Variants in GFI1 observed in about 807,000 individuals in gnomAD.
GFI1 encodes the protein zinc finger protein Gfi-1.
In GFI1, 15 loss-of-function variants were observed where a neutral mutation model predicts 39.2. The ratio of observed to expected loss-of-function variants is 0.38; its 90% CI spans 0.26 to 0.59. The LOEUF (loss-of-function observed/expected upper bound fraction) is 0.59. Among genes scored for constraint, GFI1 ranks in the 20% least tolerant of loss-of-function variants. The pLI, the probability that GFI1 is intolerant of heterozygous loss-of-function variation, is 0.62. For missense variants in GFI1, 475 were observed against 574.0 expected (o/e 0.83, Z 1.76); for synonymous variants, 239 against 254.3 (o/e 0.94, Z 0.57).
intron 1 of GFI1, chr1:92,483,912 G>A (rs1571221830): frequency 3.0e-6 from 1 of 329,810 alleles, no homozygotes; most frequent in East Asian, 7.8e-5. Flanking sequence ...CAAACTCCCT[G>A]GAGAGCTGTA....
At chr1:92,478,543 T>C in intron 6 of GFI1, 45 bp downstream of exon 6, 2 of 1,538,248 alleles carry the variant, frequency 1.3e-6, no homozygotes, top group Non-Finnish European at 1.8e-6. Context: ...TGAGTAATGT[T>C]GGCCTCAGGG....
rs1658350292 is a variant in GFI1, at chr1:92,483,013, T to C, written c.149A>G (p.Glu50Gly). ...TTCGGGGGACAAACGGTCCCGGGGC[T>C]CCGCCTTCGCCCCGCCTGCATTTGA... ...STSNAGGAKA[E>G]PRDRLSPESQ... Residue 50 changes from glutamate to glycine, a missense_variant, in exon 3 of 7, where the codon GAG becomes GGG. Physicochemically the swap from Glu to Gly is moderately conservative, Grantham distance 98. Around this residue, in one of 4 missense-constraint regions of GFI1, gnomAD observed 275 missense variants for 275.8 expected, o/e 1.00. Transcript: ENST00000294702. 1 of 1,604,380 alleles carries C rather than the reference T, an allele frequency of 6.2e-7. No homozygotes were observed. The highest frequency in any genetic ancestry group is 8.5e-7 in the Non-Finnish European group (1 of 1,175,376).
intron 6 of GFI1, among the ~76,000 whole-genome samples, chr1:92,477,234 T>A (rs945246405): frequency 6.6e-6 from 1 of 152,246 alleles, no homozygotes; most frequent in Non-Finnish European, 1.5e-5. Flanking sequence ...AAACAAATTC[T>A]AGGTATAACG....
chr1:92,483,383 A>G lies in GFI1; in HGVS notation c.105T>C (p.Pro35=). 2 of 1,600,200 alleles carry G rather than the reference A, an allele frequency of 1.2e-6. No homozygotes were observed. Among genetic ancestry groups the G allele is most frequent in the South Asian group, 1.1e-5 (1 of 90,626 alleles). The part of the protein sequence containing the change: ...YSLRLENVPA[P]SRADSTSNAG... ...GCGCGCGCCTCGCACCTGCTCGGCT[A>G]GGCGCCGGTACATTCTCTAAACGGA... The change falls in exon 2 of 7, where the codon CCT becomes CCC. Residue 35 remains proline, a synonymous_variant. Transcript: ENST00000294702.
chr1:92,479,658 C>A (rs569176809), intron 5 of GFI1, among the ~76,000 whole-genome samples: 1 of 152,242 alleles, frequency 6.6e-6, no homozygotes, highest in South Asian at 2.1e-4. Flanking sequence ...TCGTGACCAG[C>A]CTGGCTAACG....
chr1:92,482,890 C>G lies in GFI1; in HGVS notation c.272G>C (p.Arg91Thr). The G allele has an allele frequency of 6.2e-7, 1 of 1,614,120 alleles. No individual in the cohort carries two copies. The highest frequency in any genetic ancestry group is 8.5e-7 in the Non-Finnish European group (1 of 1,179,988). The stretch of plus-strand genomic sequence containing the variant: ...TGGAGACGCGGAGGGTGACGGGGGC[C>G]TCCAGAAGTCCTCAAACTCCGAGCT... The part of the protein sequence containing the change: ...ERSSEFEDFW[R>T]PPSPSASPAS... Residue 91 changes from arginine to threonine, a missense_variant, in exon 3 of 7, where the codon AGG (arginine) becomes ACG (threonine). Arg to Thr is a moderately conservative substitution (Grantham distance 71). Around this residue, in one of 4 missense-constraint regions of GFI1, gnomAD observed 275 missense variants for 275.8 expected, o/e 1.00. Transcript: ENST00000294702. This position sits in a 1 kb window ranked among gnomAD's most constrained non-coding sequence, Gnocchi z 4.4.
chr1:92,480,208 G>A lies in GFI1; in HGVS notation c.924+140C>T. 1.1e-6 allele frequency: 1 copy of A among 933,826 alleles called. No homozygotes were observed. The highest frequency in any genetic ancestry group is 1.6e-6 in the Non-Finnish European group (1 of 609,784). The allele number at this position is 933,826 out of a possible 1,614,324, so 57.8% of individuals were successfully genotyped here. A position where few individuals can be genotyped will look rare whatever the true frequency, so the allele number is the denominator to read the frequency against. ...CCTACACACCTGCACCAGGGCAAGG[G>A]GACGCAGCGGAGGGCTTGGGGGAGG... On this transcript the variant is annotated intron_variant, in intron 5 of 6. Transcript: ENST00000294702. The surrounding 1 kb of genome is among the most constrained non-coding windows in gnomAD (Gnocchi z 5.6).
chr1:92,486,540 C>A (rs1658535392), intron 1 of GFI1, among the ~76,000 whole-genome samples, 186 bp downstream of exon 1: 1 of 134,288 alleles, frequency 7.4e-6, no homozygotes, highest in Admixed American at 7.7e-5. Flanking sequence ...CCACCCCCGA[C>A]CCCGCCGCCT....
In GFI1 at chr1:92,483,451, G is replaced by A; in HGVS notation, c.37C>T (p.His13Tyr). The A allele has an allele frequency of 6.2e-7, 1 of 1,612,218 alleles. No individual in the cohort carries two copies. The highest frequency in any genetic ancestry group is 1.1e-5 in the South Asian group (1 of 91,000). ...GGGGAGCGCGGCTGGTGGTAGCTGT[G>A]AGCCTTCTTGCTTTTGACGAGAAAT... is the stretch of plus-strand genomic sequence containing the variant. ...RSFLVKSKKA[H>Y]SYHQPRSPGP... The change falls in exon 2 of 7, where the codon CAC becomes TAC. Residue 13 changes from histidine to tyrosine, a missense_variant. Physicochemically the swap from His to Tyr is moderately conservative, Grantham distance 83. Coordinates refer to ENST00000294702, the MANE Select transcript of GFI1 (RefSeq NM_005263.5).
rs1004582288 is a variant in GFI1, at chr1:92,473,224, C to T, written c.*2805G>A. Among the ~76,000 whole-genome samples the T allele has an allele frequency of 6.6e-6, 1 of 150,770 alleles. No homozygotes were observed. Among genetic ancestry groups the T allele is most frequent in the African/African-American group, 2.4e-5 (1 of 41,034 alleles). On this transcript the variant is annotated 3_prime_UTR_variant, in exon 7 of 7. Transcript: ENST00000294702. ...ACAGTTAACATCAAAATTACAATTC[C>T]TCACTTAGAGCATAAACAGGGATAA...
In GFI1 at chr1:92,480,685, G is replaced by T; in HGVS notation, c.702C>A (p.Gly234=). The T allele has an allele frequency of 6.3e-7, 1 of 1,596,078 alleles. No homozygotes were observed. ...ERGHGLHADK[G]AGVKVESELL... is the part of the protein sequence containing the mutation. ...GCTCCGACTCCACCTTGACGCCAGC[G>T]CCCTTGTCTGCGTGCAGCCCGTGGC... Residue 234 remains glycine (G), a synonymous_variant, in exon 4 of 7, where the codon GGC becomes GGA. Coordinates refer to ENST00000294702, the MANE Select transcript of GFI1 (RefSeq NM_005263.5). This position sits in a 1 kb window ranked among gnomAD's most constrained non-coding sequence, Gnocchi z 5.6.
Position 92,480,360 on chromosome 1 carries a change from G to A in GFI1, c.912C>T (p.Ala304=), listed in dbSNP as rs749675576. The A allele has an allele frequency of 1.3e-6, 2 of 1,549,688 alleles. No individual in the cohort carries two copies. Among genetic ancestry groups the A allele is most frequent in the African/African-American group, 1.4e-5 (1 of 73,014 alleles). Residue 304 remains alanine (A), a synonymous_variant, in exon 5 of 7, where the codon GCC becomes GCT. Transcript: ENST00000294702. The surrounding 1 kb of genome is among the most constrained non-coding windows in gnomAD (Gnocchi z 5.6). ...GCCCCGCGCTTACCTGCGAGTGCAC[G>A]GCTTTGTGCTGCTCCAGGCTCACCG... ...GHAVSLEQHK[A]VHSQERSFDC...
Position 92,481,196 on chromosome 1 carries a change from G to T in GFI1, c.299-108C>A. The T allele has an allele frequency of 9.9e-7, 1 of 1,006,558 alleles. No homozygotes were observed. Among genetic ancestry groups the T allele is most frequent in the Non-Finnish European group, 1.5e-6 (1 of 662,558 alleles). The allele number at this position is 1,006,558 out of a possible 1,614,324, so 62.4% of individuals were successfully genotyped here. A position where few individuals can be genotyped will look rare whatever the true frequency, so the allele number is the denominator to read the frequency against. Reference sequence around the variant, plus strand: ...GTTCGCGGACTGCGGGGCACCCAGCGCTTGTAGAACACTGCGTGCGCCAGG... The same window carrying T: ...GTTCGCGGACTGCGGGGCACCCAGCTCTTGTAGAACACTGCGTGCGCCAGG... On this transcript the variant is annotated intron_variant, in intron 3 of 6. Coordinates refer to ENST00000294702, the MANE Select transcript of GFI1 (RefSeq NM_005263.5). This position sits in a 1 kb window ranked among gnomAD's most constrained non-coding sequence, Gnocchi z 4.3.
Position 92,480,490 on chromosome 1 carries a change from G to A in GFI1, c.787-5C>T, listed in dbSNP as rs1156763305. 6.5e-7 allele frequency: 1 copy of A among 1,549,738 alleles called. No individual in the cohort carries two copies. The highest frequency in any genetic ancestry group is 8.7e-7 in the Non-Finnish European group (1 of 1,146,388). On this transcript the variant is annotated splice_polypyrimidine_tract_variant and splice_region_variant and intron_variant, in intron 4 of 6. Coordinates refer to ENST00000294702, the MANE Select transcript of GFI1 (RefSeq NM_005263.5). The surrounding 1 kb of genome is among the most constrained non-coding windows in gnomAD (Gnocchi z 5.6). The stretch of plus-strand genomic sequence containing the variant: ...CCCGTGCGGCGTGGAGAACACCTAA[G>A]GCGGGTGGGGCCAGAGAGAAGGCCG...
intron 1 of GFI1, among the ~76,000 whole-genome samples, chr1:92,485,355 G>C (rs1389627275): frequency 6.6e-6 from 1 of 152,224 alleles, no homozygotes; most frequent in Non-Finnish European, 1.5e-5. Context: ...GCGTTGTCCC[G>C]AGGGTCCCGC....
chr1:92,483,301 G>T, intron 2 of GFI1, 72 bp downstream of exon 2: 1 of 874,422 alleles, frequency 1.1e-6, no homozygotes, highest in Non-Finnish European at 1.9e-6. Context: ...TCCCAGCTCC[G>T]GACTAATGGT....
intron 5 of GFI1, among the ~76,000 whole-genome samples, chr1:92,479,615 G>A (rs1658127444): frequency 6.6e-6 from 1 of 152,202 alleles, no homozygotes; most frequent in Admixed American, 6.5e-5. Flanking sequence ...ACTTTGGGAG[G>A]CCCAGGCTGG....
rs903133282 is a variant in GFI1 at position 92,480,246 on chromosome 1, G to A, written c.924+102C>T. On this transcript the variant is annotated intron_variant, in intron 5 of 6. Coordinates refer to ENST00000294702, the MANE Select transcript of GFI1 (RefSeq NM_005263.5). This position sits in a 1 kb window ranked among gnomAD's most constrained non-coding sequence, Gnocchi z 5.6. ...GGCTTGGGGGAGGAAACTGGGGGAA[G>A]TCGAGGAGAAAACTTCCAGGCAGAG... 3.1e-5 allele frequency: 40 copies of A among 1,306,908 alleles called. No individual in the cohort carries two copies. The East Asian group carries it at 9.6e-4, about 31-fold the overall frequency. 81.0% of individuals were successfully genotyped at this position (1,306,908 alleles called of 1,614,324 possible).
Position 92,484,538 on chromosome 1 carries a change from A to G in GFI1, c.-99-952T>C, listed in dbSNP as rs1474244719. On this transcript the variant is annotated intron_variant, in intron 1 of 6. Transcript: ENST00000294702. This position sits in a 1 kb window ranked among gnomAD's most constrained non-coding sequence, Gnocchi z 4.1. The stretch of plus-strand genomic sequence containing the variant: ...CGAGTCGGTAGTGCACCGACAATTT[A>G]GCAGACAAAAAAGACAGGACGCCAG... 5 of 152,318 alleles carry G rather than the reference A, an allele frequency of 3.3e-5. No individual in the cohort carries two copies. Among genetic ancestry groups the G allele is most frequent in the Non-Finnish European group, 7.3e-5 (5 of 68,108 alleles). 9.4% of individuals were successfully genotyped at this position (152,318 alleles called of 1,614,324 possible). A position where few individuals can be genotyped will look rare whatever the true frequency, so the allele number is the denominator to read the frequency against.
Sources: gnomAD v4.1 joint callset for allele counts (sites outside exome capture counted in the v4.1 genomes callset) on GRCh38, gnomAD v4.1.1 for gene constraint, gnomAD v4.1.1 regional missense constraint, Gnocchi (gnomAD v3.1) non-coding constraint, MANE v1.5 for transcripts, NCBI Gene and HGNC (gene_info 2026-07-23, HGNC 2026-07-21) for gene names.